The following SLC44A5 variants were observed in gnomAD, a reference collection of about 807,000 sequenced individuals.
The protein encoded by SLC44A5 is choline transporter-like protein 5.
SLC44A5 carries 57 observed loss-of-function variants against 101.8 expected under a neutral mutation model. The ratio of observed to expected loss-of-function variants is 0.56; its 90% CI spans 0.45 to 0.70. SLC44A5 has a LOEUF of 0.70. Ranked by LOEUF, SLC44A5 falls within the 30% of genes least tolerant of loss-of-function variation. The probability of loss-of-function intolerance (pLI) is 0.00; values close to 1 mark genes in which losing one functional copy is unlikely to be tolerated. For synonymous variants in SLC44A5, 281 were observed against 290.9 expected (o/e 0.97, Z 0.35); for missense variants, 737 against 853.1 (o/e 0.86, Z 1.70).
intron 2 of SLC44A5, among the ~76,000 whole-genome samples, chr1:75,400,466 AGAATCTTCAG>A (rs1293343854): frequency 1.3e-5 from 2 of 152,228 alleles, no homozygotes; most frequent in Non-Finnish European, 2.9e-5. Context: ...ACTAGTAGGT[AGAATCTTCAG>A]GAATCAAACC....
At chr1:75,636,473 G>C in the SLC44A5 span, among the ~76,000 whole-genome samples, 1 of 152,070 alleles carries the variant, frequency 6.6e-6, no homozygotes, top group Non-Finnish European at 1.5e-5. Context: ...ATTTAAACAT[G>C]ATACTTAGCC....
intron 1 of SLC44A5, among the ~76,000 whole-genome samples, chr1:75,567,086 G>A (rs1455320614): frequency 6.6e-6 from 1 of 151,986 alleles, no homozygotes; most frequent in Admixed American, 6.5e-5. Flanking sequence ...CAACCTATAT[G>A]ATCTCTTTCA....
chr1:75,509,250 A>G (rs1177872024), intron 2 of SLC44A5, among the ~76,000 whole-genome samples: 1 of 152,220 alleles, frequency 6.6e-6, no homozygotes, highest in Non-Finnish European at 1.5e-5. Context: ...TTCAAACTGA[A>G]AGCTTGAGTT....
At chr1:75,366,962 C>G (rs933193048) in intron 3 of SLC44A5, among the ~76,000 whole-genome samples, 3 of 152,138 alleles carry the variant, frequency 2.0e-5, no homozygotes, top group African/African-American at 2.4e-5. Flanking sequence ...TCTATGTTAT[C>G]TTACATCCCA....
chr1:75,677,069 T>C, the SLC44A5 span, among the ~76,000 whole-genome samples: 1 of 152,080 alleles, frequency 6.6e-6, no homozygotes, highest in African/African-American at 2.4e-5. Flanking sequence ...AGGGATTTCA[T>C]CAACACCAGA....
At chr1:75,590,294 C>T (rs749940486) in intron 1 of SLC44A5, among the ~76,000 whole-genome samples, 32 of 152,188 alleles carry the variant, frequency 2.1e-4, no homozygotes, top group Middle Eastern at 3.4e-3. Flanking sequence ...TGACAGATGA[C>T]AATTCTAGAC....
intron 6 of SLC44A5, among the ~76,000 whole-genome samples, chr1:75,271,439 C>T (rs1025460950): frequency 6.6e-6 from 1 of 151,258 alleles, no homozygotes; most frequent in African/African-American, 2.4e-5. Flanking sequence ...TATCCCTCAC[C>T]TCCTCATAGT....
At chr1:75,271,497 T>TTTTTTTTTTTTTTTGTGTG (rs1553152601) in intron 6 of SLC44A5, among the ~76,000 whole-genome samples, 1 of 146,304 alleles carries the variant, frequency 6.8e-6, no homozygotes, top group African/African-American at 2.5e-5. Flanking sequence ...TCTGCATGTT[T>TTTTTTTTTTTTTTTGTGTG]TGTGTGTGTG....
chr1:75,667,279 C>A, the SLC44A5 span, among the ~76,000 whole-genome samples: 1 of 152,026 alleles, frequency 6.6e-6, no homozygotes, highest in Non-Finnish European at 1.5e-5. Flanking sequence ...CATTCCTATA[C>A]ACCAAGAACA....
intron 1 of SLC44A5, among the ~76,000 whole-genome samples, chr1:75,590,801 A>G (rs1241912797): frequency 6.6e-6 from 1 of 152,058 alleles, no homozygotes; most frequent in Non-Finnish European, 1.5e-5. Context: ...AGAAAATCAG[A>G]TAGATTCCTA....
At chr1:75,422,758 G>A (rs1664085833) in intron 2 of SLC44A5, among the ~76,000 whole-genome samples, 1 of 152,146 alleles carries the variant, frequency 6.6e-6, no homozygotes, top group African/African-American at 2.4e-5. Flanking sequence ...CAAGAAAACT[G>A]GCCCAGAGGG....
At chr1:75,673,341 G>A in the SLC44A5 span, among the ~76,000 whole-genome samples, 1 of 152,016 alleles carries the variant, frequency 6.6e-6, no homozygotes, top group Non-Finnish European at 1.5e-5. Flanking sequence ...CTTGAGGAAG[G>A]GGGAGGAAAG....
the SLC44A5 span, among the ~76,000 whole-genome samples, chr1:75,646,246 G>C: frequency 6.5e-5 from 9 of 137,482 alleles, 2 homozygotes; most frequent in Non-Finnish European, 1.3e-4. Context: ...TCACGAAATT[G>C]ATTCTTCCTA....
At chr1:75,399,277 G>A (rs1662325470) in intron 2 of SLC44A5, among the ~76,000 whole-genome samples, 1 of 152,076 alleles carries the variant, frequency 6.6e-6, no homozygotes, top group Admixed American at 6.6e-5. Context: ...AGTTTATACG[G>A]CATACCTAGC....
At position 75,225,755 on chromosome 1, in the gene SLC44A5, A is replaced by T. The variant is rs74727196; in HGVS notation, c.985+1971T>A. 5.8e-3 allele frequency among the ~76,000 whole-genome samples: 885 copies of T among 152,322 alleles called. 11 individuals carry two copies. The highest frequency in any genetic ancestry group is 0.021 in the African/African-American group (855 of 41,570). On this transcript the variant is annotated intron_variant, in intron 13 of 23. Transcript: ENST00000370859. Reference sequence around the variant, plus strand: ...AGCAAGTAATCAATTAAAATCTGAAAAGTGAGTTATGAAAGCGGAGGCTTA... The same window carrying T: ...AGCAAGTAATCAATTAAAATCTGAATAGTGAGTTATGAAAGCGGAGGCTTA...
chr1:75,303,964 A>ATT (rs1654711691), intron 4 of SLC44A5, among the ~76,000 whole-genome samples: 1 of 152,192 alleles, frequency 6.6e-6, no homozygotes, highest in Admixed American at 6.5e-5. Flanking sequence ...TAATTAAAAA[A>ATT]ATATATCTCA....
chr1:75,669,820 C>T, the SLC44A5 span, among the ~76,000 whole-genome samples: 2 of 152,094 alleles, frequency 1.3e-5, no homozygotes, highest in African/African-American at 2.4e-5. Context: ...CTCAAACATA[C>T]CAGGAGCTTT....
At chr1:75,215,941 T>C (rs553189406) in intron 18 of SLC44A5, 84 bp from the exon 19 acceptor site, 49 of 774,444 alleles carry the variant, frequency 6.3e-5, no homozygotes, top group Middle Eastern at 5.4e-4. Context: ...ACATTTAAAA[T>C]GAGATTTAAA....
At chr1:75,275,687 T>A (rs1651860316) in intron 5 of SLC44A5, among the ~76,000 whole-genome samples, 1 of 152,144 alleles carries the variant, frequency 6.6e-6, no homozygotes, top group Admixed American at 6.6e-5. Flanking sequence ...GACAATGGGC[T>A]CAAACACATT....
Sources: gnomAD v4.1 joint callset for allele counts (sites outside exome capture counted in the v4.1 genomes callset) on GRCh38, gnomAD v4.1.1 for gene constraint, MANE v1.5 for transcripts, NCBI Gene and HGNC (gene_info 2026-07-23, HGNC 2026-07-21) for gene names.